DCHS1: variants seen among roughly 807,000 people sequenced by gnomAD.
The protein encoded by DCHS1 is protocadherin-16.
A neutral mutation model predicts 213.9 loss-of-function variants in DCHS1; 78 were observed. The ratio of observed to expected loss-of-function variants is 0.36; its 90% CI spans 0.30 to 0.44. The LOEUF is 0.44. Among genes scored for constraint, DCHS1 ranks in the 20% least tolerant of loss-of-function variants. DCHS1 has a pLI of 1.00. For missense variants in DCHS1, 3,946 were observed against 4,395.9 expected (o/e 0.90, Z 2.89); for synonymous variants, 1,828 against 1,873.7 (o/e 0.98, Z 0.63).
Position 6,623,596 on chromosome 11 carries a change from T to C in DCHS1, c.8080A>G (p.Ile2694Val), listed in dbSNP as rs1855742684. 5 of 1,613,622 alleles carry C rather than the reference T, an allele frequency of 3.1e-6. No homozygotes were observed. Among genetic ancestry groups the C allele is most frequent in the South Asian group, 1.1e-5 (1 of 91,068 alleles). Reference sequence around the variant, plus strand: ...TGATCATTCACATCCTGGACCTCAATTGTCACTGGTGCCAAAGCAAAGTGT... The same window carrying C: ...TGATCATTCACATCCTGGACCTCAACTGTCACTGGTGCCAAAGCAAAGTGT... The part of the protein sequence containing the change: ...GAHFALAPVT[I>V]EVQDVNDHGP... The change falls in exon 21 of 21, where the codon ATT becomes GTT. Residue 2694 changes from isoleucine to valine, a missense_variant. By Grantham distance (29) the Ile-to-Val change is conservative. Around this residue, in one of 3 missense-constraint regions of DCHS1, gnomAD observed 3,384 missense variants for 3,780.1 expected, o/e 0.90. Coordinates refer to ENST00000299441, the MANE Select transcript of DCHS1 (RefSeq NM_003737.4).
In DCHS1 at chr11:6,641,444, G is replaced by C. The variant is rs754178605; in HGVS notation, c.170C>G (p.Ala57Gly). ...ACTGATGTCGCCAATCAGTGTACCC[G>C]CTGGCTGCTCCTCATCAATCTGCAA... ...LDLQIDEEQP[A>G]GTLIGDISAG... The change falls in exon 2 of 21, where the codon GCG becomes GGG. Residue 57 changes from alanine (A) to glycine (G), a missense_variant. Physicochemically the swap from Ala to Gly is moderately conservative, Grantham distance 60. This residue lies in a region of DCHS1 where 3,384 missense variants were observed against 3,780.1 expected (regional missense o/e 0.90). Transcript: ENST00000299441. The surrounding 1 kb of genome is among the most constrained non-coding windows in gnomAD (Gnocchi z 7.1). 6.2e-7 allele frequency: 1 copy of C among 1,606,080 alleles called. No individual in the cohort carries two copies. Among genetic ancestry groups the C allele is most frequent in the South Asian group, 1.1e-5 (1 of 89,932 alleles).
intron 20 of DCHS1, 135 bp from the exon 21 acceptor site, chr11:6,624,525 G>A (rs1161896769): frequency 1.9e-5 from 24 of 1,293,364 alleles, no homozygotes; most frequent in Non-Finnish European, 2.3e-5. Context: ...GAGACAAGGG[G>A]ATGGCCTCAA....
chr11:6,652,035 T>A (rs529300274), intron 1 of DCHS1, among the ~76,000 whole-genome samples: 1 of 151,824 alleles, frequency 6.6e-6, no homozygotes, highest in South Asian at 2.1e-4. Context: ...AGTGAGACAA[T>A]AAGAAGGTCC....
chr11:6,650,058 T>C (rs770699084), intron 1 of DCHS1, among the ~76,000 whole-genome samples: 3 of 152,188 alleles, frequency 2.0e-5, no homozygotes, highest in Non-Finnish European at 2.9e-5. Flanking sequence ...AGCTAAGTCA[T>C]CCAGGCCATA....
At chr11:6,629,318 G>A (rs1296194540) in intron 12 of DCHS1, 134 bp downstream of exon 12, 12 of 1,280,362 alleles carry the variant, frequency 9.4e-6, no homozygotes, top group South Asian at 1.6e-5. Flanking sequence ...TCCCCAAAAG[G>A]GTCCAAAAAC....
At chr11:6,645,946 G>C (rs542686875) in intron 1 of DCHS1, among the ~76,000 whole-genome samples, 95 of 152,144 alleles carry the variant, frequency 6.2e-4, no homozygotes, top group Non-Finnish European at 1.1e-3. Context: ...CACACACACA[G>C]AGACCCTTTC....
chr11:6,641,119 C>A lies in DCHS1; in HGVS notation c.495G>T (p.Glu165Asp). 2 of 1,613,934 alleles carry A rather than the reference C, an allele frequency of 1.2e-6. No homozygotes were observed. The highest frequency in any genetic ancestry group is 1.7e-6 in the Non-Finnish European group (2 of 1,179,906). The change falls in exon 2 of 21, where the codon GAG (glutamate) becomes GAT (aspartate). Residue 165 changes from glutamate to aspartate, a missense_variant. Physicochemically the swap from Glu to Asp is conservative, Grantham distance 45. Transcript: ENST00000299441. The surrounding 1 kb of genome is among the most constrained non-coding windows in gnomAD (Gnocchi z 7.1). ...HTAFGTRYPL[E>D]PARDADAGRL... ...GCCCAGCATCTGCATCACGAGCAGG[C>A]TCCAGTGGGTAGCGGGTGCCAAAAG...
At chr11:6,642,126 T>C (rs1456596877) in intron 1 of DCHS1, among the ~76,000 whole-genome samples, 3 of 152,154 alleles carry the variant, frequency 2.0e-5, no homozygotes, top group Non-Finnish European at 2.9e-5. Flanking sequence ...CCGTCAACCT[T>C]TTCCTCTCTC....
chr11:6,630,872 G>T lies in DCHS1; in HGVS notation c.3931-9C>A. 6.6e-7 allele frequency: 1 copy of T among 1,513,626 alleles called. No individual in the cohort carries two copies. The highest frequency in any genetic ancestry group is 1.3e-5 in the South Asian group (1 of 78,196). The allele number at this position is 1,513,626 out of a possible 1,614,324, so 93.8% of individuals were successfully genotyped here. A position where few individuals can be genotyped will look rare whatever the true frequency, so the allele number is the denominator to read the frequency against. ...CGAGCTGAGGGAAGCACCTGTTGTG[G>T]ACCGGGGAGGGAGAACAGAATTGTG... On this transcript the variant is annotated splice_polypyrimidine_tract_variant and intron_variant, in intron 9 of 20. Coordinates refer to ENST00000299441, the MANE Select transcript of DCHS1 (RefSeq NM_003737.4).
rs780210754 is a variant in DCHS1, at chr11:6,622,562, AGCCTCTGCT to A, written c.9105_9113del (p.Ala3038_Glu3040del). 1.3e-6 allele frequency: 2 copies of A among 1,581,256 alleles called. No homozygotes were observed. Among genetic ancestry groups the A allele is most frequent in the South Asian group, 2.3e-5 (2 of 86,264 alleles). On this transcript the variant is annotated inframe_deletion, in exon 21 of 21. Transcript: ENST00000299441. This position sits in a 1 kb window ranked among gnomAD's most constrained non-coding sequence, Gnocchi z 5.4. The stretch of plus-strand genomic sequence containing the variant: ...TCATGCGGATCTCATCATCCTCTGC[AGCCTCTGCT>A]GATCCTCGGCCACTTGAATGTGAAG...
rs1855824706 is a variant in DCHS1 at position 6,627,301 on chromosome 11, G to A, written c.5738C>T (p.Thr1913Ile). Residue 1913 changes from threonine (T) to isoleucine (I), a missense_variant, in exon 14 of 21, where the codon ACA becomes ATA. By Grantham distance (89) the Thr-to-Ile change is moderately conservative (BLOSUM62 -1). Around this residue, in one of 3 missense-constraint regions of DCHS1, gnomAD observed 3,384 missense variants for 3,780.1 expected, o/e 0.90. Coordinates refer to ENST00000299441, the MANE Select transcript of DCHS1 (RefSeq NM_003737.4). The surrounding 1 kb of genome is among the most constrained non-coding windows in gnomAD (Gnocchi z 5.4). ...LLEPSSGELRTAAALDREQCP... is the reference protein window; with the variant it reads ...LLEPSSGELRIAAALDREQCP... ...CTGTTCTCTGTCCAAGGCTGCAGCT[G>A]TGCGCAGTTCTCCAGAGCTGGGCTC... is the stretch of plus-strand genomic sequence containing the variant. 1.2e-6 allele frequency: 2 copies of A among 1,612,194 alleles called. No homozygotes were observed. Among genetic ancestry groups the A allele is most frequent in the Non-Finnish European group, 1.7e-6 (2 of 1,179,332 alleles).
intron 1 of DCHS1, among the ~76,000 whole-genome samples, chr11:6,642,538 C>T (rs11040941): frequency 0.098 from 14,132 of 143,774 alleles, 971 homozygotes; most frequent in East Asian, 0.27. Context: ...AAGGGGGATA[C>T]AGAAAGGAGA....
At position 6,640,848 on chromosome 11, in the gene DCHS1, T is replaced by C. The variant is rs749603431; in HGVS notation, c.766A>G (p.Asn256Asp). 6.2e-7 allele frequency: 1 copy of C among 1,614,020 alleles called. No individual in the cohort carries two copies. Among genetic ancestry groups the C allele is most frequent in the East Asian group, 2.2e-5 (1 of 44,880 alleles). The change falls in exon 2 of 21, where the codon AAT becomes GAT. Residue 256 changes from asparagine to aspartate, a missense_variant. Asn to Asp is a conservative substitution (Grantham distance 23). Transcript: ENST00000299441. The surrounding 1 kb of genome is among the most constrained non-coding windows in gnomAD (Gnocchi z 6.5). ...ACCACAGCATGGTAGCGGCTCTGAT[T>C]GAAAGCCGGGGCATGGTCATTGATG... is the stretch of plus-strand genomic sequence containing the variant. ...LDINDHAPAF[N>D]QSRYHAVVSE...
Position 6,625,883 on chromosome 11 carries a change from C to T in DCHS1, c.6731+37G>A. The T allele has an allele frequency of 6.2e-7, 1 of 1,606,946 alleles. No homozygotes were observed. Among genetic ancestry groups the T allele is most frequent in the South Asian group, 1.1e-5 (1 of 89,866 alleles). On this transcript the variant is annotated intron_variant, in intron 17 of 20. Coordinates refer to ENST00000299441, the MANE Select transcript of DCHS1 (RefSeq NM_003737.4). This position sits in a 1 kb window ranked among gnomAD's most constrained non-coding sequence, Gnocchi z 5.3. Reference sequence around the variant, plus strand: ...GGCAGGGCTTGAAACTGGACAGGCCCAAGATGGGGTCTTGGGTCCACAGGG... The same window carrying T: ...GGCAGGGCTTGAAACTGGACAGGCCTAAGATGGGGTCTTGGGTCCACAGGG...
Position 6,622,209 on chromosome 11 carries a change from T to C in DCHS1, c.9467A>G (p.Glu3156Gly), listed in dbSNP as rs1389594854. ...ALTAIVAGEE[E>G]LRGSYNWDYL... ...GTCCCAGTTATAGCTGCCACGGAGC[T>C]CCTCCTCGCCGGCCACAATGGCTGT... Residue 3156 changes from glutamate (E) to glycine (G), a missense_variant, in exon 21 of 21, where the codon GAG (glutamate) becomes GGG (glycine). This residue lies in a region of DCHS1 where 554 missense variants were observed against 590.2 expected (regional missense o/e 0.94). Coordinates refer to ENST00000299441, the MANE Select transcript of DCHS1 (RefSeq NM_003737.4). The surrounding 1 kb of genome is among the most constrained non-coding windows in gnomAD (Gnocchi z 5.4). 1 of 1,602,312 alleles carries C rather than the reference T, an allele frequency of 6.2e-7. No individual in the cohort carries two copies.
chr11:6,627,659 G>A lies in DCHS1; in HGVS notation c.5380C>T (p.Pro1794Ser), dbSNP rs1048748485. ...QLQYRILDGD[P>S]SGAFVLDLAS... Reference sequence around the variant, plus strand: ...AGGTCTAGGACAAAGGCTCCTGATGGGTCCCCATCTGCAGAGAAGGGCATG... The same window carrying A: ...AGGTCTAGGACAAAGGCTCCTGATGAGTCCCCATCTGCAGAGAAGGGCATG... The change falls in exon 14 of 21, where the codon CCA (proline) becomes TCA (serine). Residue 1794 changes from proline (P) to serine (S), a missense_variant. By Grantham distance (74) the Pro-to-Ser change is moderately conservative. Coordinates refer to ENST00000299441, the MANE Select transcript of DCHS1 (RefSeq NM_003737.4). The surrounding 1 kb of genome is among the most constrained non-coding windows in gnomAD (Gnocchi z 5.4). The A allele has an allele frequency of 6.2e-7, 1 of 1,611,468 alleles. No individual in the cohort carries two copies. Among genetic ancestry groups the A allele is most frequent in the Non-Finnish European group, 8.5e-7 (1 of 1,178,616 alleles).
At chr11:6,637,488 C>T (rs1485002633) in intron 2 of DCHS1, among the ~76,000 whole-genome samples, 4 of 152,112 alleles carry the variant, frequency 2.6e-5, no homozygotes, top group Non-Finnish European at 5.9e-5. Flanking sequence ...AGCTCAAACC[C>T]TCTGACTTGG....
chr11:6,640,846 A>G lies in DCHS1; in HGVS notation c.768T>C (p.Asn256=). 6.2e-7 allele frequency: 1 copy of G among 1,614,020 alleles called. No individual in the cohort carries two copies. Among genetic ancestry groups the G allele is most frequent in the Non-Finnish European group, 8.5e-7 (1 of 1,179,888 alleles). ...LDINDHAPAF[N]QSRYHAVVSE... ...ACACCACAGCATGGTAGCGGCTCTG[A>G]TTGAAAGCCGGGGCATGGTCATTGA... The change falls in exon 2 of 21, where the codon AAT becomes AAC. Residue 256 remains asparagine, a synonymous_variant. Transcript: ENST00000299441. The surrounding 1 kb of genome is among the most constrained non-coding windows in gnomAD (Gnocchi z 6.5).
Position 6,640,325 on chromosome 11 carries a change from A to G in DCHS1, c.1289T>C (p.Leu430Pro). 6.2e-7 allele frequency: 1 copy of G among 1,609,094 alleles called. No homozygotes were observed. Among genetic ancestry groups the G allele is most frequent in the African/African-American group, 1.3e-5 (1 of 74,930 alleles). ...ATAGGCATCCCTCTCCTCTCGATCC[A>G]GCCGCCGAGCCACACACACCAGATA... ...VIYLVCVARR[L>P]DREERDAYNL... The change falls in exon 2 of 21, where the codon CTG (leucine) becomes CCG (proline). Residue 430 changes from leucine to proline, a missense_variant. By Grantham distance (98) the Leu-to-Pro change is moderately conservative (BLOSUM62 -3). Around this residue, in one of 3 missense-constraint regions of DCHS1, gnomAD observed 3,384 missense variants for 3,780.1 expected, o/e 0.90. Coordinates refer to ENST00000299441, the MANE Select transcript of DCHS1 (RefSeq NM_003737.4). This position sits in a 1 kb window ranked among gnomAD's most constrained non-coding sequence, Gnocchi z 6.5.
Sources: gnomAD v4.1 joint callset for allele counts (sites outside exome capture counted in the v4.1 genomes callset) on GRCh38, gnomAD v4.1.1 for gene constraint, gnomAD v4.1.1 regional missense constraint, Gnocchi (gnomAD v3.1) non-coding constraint, MANE v1.5 for transcripts, NCBI Gene and HGNC (gene_info 2026-07-23, HGNC 2026-07-21) for gene names.